PAFAH1B2: variants seen among roughly 807,000 people sequenced by gnomAD.
The protein encoded by PAFAH1B2 is platelet-activating factor acetylhydrolase IB subunit alpha2.
A neutral mutation model predicts 28.0 loss-of-function variants in PAFAH1B2; 8 were observed. The observed-to-expected ratio is 0.29, with a 90% CI of 0.17 to 0.52. The LOEUF (loss-of-function observed/expected upper bound fraction) is 0.52, where lower values mean the gene tolerates loss of function less well. PAFAH1B2 is among the 20% of genes least tolerant of loss of function. The probability of loss-of-function intolerance (pLI) is 0.97; values close to 1 mark genes in which losing one functional copy is unlikely to be tolerated. For synonymous variants in PAFAH1B2, 104 were observed against 103.2 expected (o/e 1.01, Z -0.05); for missense variants, 190 against 282.6 (o/e 0.67, Z 2.35).
In PAFAH1B2 at chr11:117,161,203, C is replaced by G. The variant is rs1237550906; in HGVS notation, c.230C>G (p.Thr77Arg). ...CTGAATTTTGGAATTGGGGGAGATA[C>G]AACAAGACATGTTTTGTGGAGACTA... ...HALNFGIGGD[T>R]TRHVLWRLKN... The change falls in exon 4 of 6, where the codon ACA (threonine) becomes AGA (arginine). Residue 77 changes from threonine to arginine, a missense_variant. Coordinates refer to ENST00000527958, the MANE Select transcript of PAFAH1B2 (RefSeq NM_002572.4). 2 of 1,596,556 alleles carry G rather than the reference C, an allele frequency of 1.3e-6. No individual in the cohort carries two copies. The highest frequency in any genetic ancestry group is 1.9e-5 in the Admixed American group (1 of 53,998).
downstream of PAFAH1B2, among the ~76,000 whole-genome samples, chr11:117,173,433 C>G (rs1428143010): frequency 6.6e-6 from 1 of 152,242 alleles, no homozygotes; most frequent in Non-Finnish European, 1.5e-5. Context: ...ACAAGGCTCC[C>G]AAAAGGCTCA....
At chr11:117,175,930 G>T, downstream of PAFAH1B2, 1 of 1,535,604 alleles carries the variant, frequency 6.5e-7, no homozygotes, top group Admixed American at 2.0e-5. Flanking sequence ...AGATGAGCAG[G>T]ATTACCATGA....
At chr11:117,159,649 G>T in intron 2 of PAFAH1B2, 1 of 312,668 alleles carries the variant, frequency 3.2e-6, no homozygotes, top group Non-Finnish European at 6.0e-6. Context: ...GTGGGAAGAT[G>T]ACTTGAGCCC....
downstream of PAFAH1B2, chr11:117,175,163 C>T (rs937091757): frequency 4.0e-5 from 46 of 1,162,428 alleles, no homozygotes; most frequent in African/African-American, 5.2e-4. Context: ...TTGAGGGCCA[C>T]GGTTAGGGTT....
In PAFAH1B2 at chr11:117,165,219, T is replaced by G. The variant is rs141051755; in HGVS notation, c.411+1327T>G. Reference sequence around the variant, plus strand: ...TGCCTGCCTTGGCCTCCCAAAGTGCTGCGATTACAGACGTGAGCCATCACG... The same window carrying G: ...TGCCTGCCTTGGCCTCCCAAAGTGCGGCGATTACAGACGTGAGCCATCACG... On this transcript the variant is annotated intron_variant, in intron 5 of 5. Transcript: ENST00000527958. Among the ~76,000 whole-genome samples the G allele has an allele frequency of 5.2e-3, 792 of 151,668 alleles. 11 individuals are homozygous for G. Among genetic ancestry groups the G allele is most frequent in the African/African-American group, 0.018 (728 of 41,386 alleles).
At chr11:117,171,195 C>T (rs75525407), downstream of PAFAH1B2, 11,862 of 458,788 alleles carry the variant, frequency 0.026, 242 homozygotes, top group South Asian at 0.088. Context: ...TGACTCATCA[C>T]TTACCTTCTC....
intron 2 of PAFAH1B2, among the ~76,000 whole-genome samples, chr11:117,153,468 A>AC (rs929400109): frequency 6.6e-6 from 1 of 151,664 alleles, no homozygotes; most frequent in Admixed American, 6.6e-5. Context: ...TGCAGCCTCC[A>AC]CCCCCCTGCC....
In PAFAH1B2 at chr11:117,168,680, T is replaced by G. The variant is rs113647409; in HGVS notation, c.*981T>G. 9.6e-3 allele frequency: 10,212 copies of G among 1,058,756 alleles called. 51 individuals are homozygous for G. Among genetic ancestry groups the G allele is most frequent in the Non-Finnish European group, 0.011 (9,370 of 874,684 alleles). The allele number at this position is 1,058,756 out of a possible 1,614,324, so 65.6% of individuals were successfully genotyped here. On this transcript the variant is annotated 3_prime_UTR_variant, in exon 6 of 6. Coordinates refer to ENST00000527958, the MANE Select transcript of PAFAH1B2 (RefSeq NM_002572.4). ...CTTAAAACCTGTTAACAGTTTTTTT[T>G]GGGGGTGGGGGGATTCAGAACTCTT...
rs932158136 is a variant in PAFAH1B2 at position 117,171,009 on chromosome 11, G to A, written c.*3310G>A. The A allele has an allele frequency of 9.6e-7, 1 of 1,040,528 alleles. No homozygotes were observed. Among genetic ancestry groups the A allele is most frequent in the African/African-American group, 1.7e-5 (1 of 59,798 alleles). 64.5% of individuals were successfully genotyped at this position (1,040,528 alleles called of 1,614,324 possible). A position where few individuals can be genotyped will look rare whatever the true frequency, so the allele number is the denominator to read the frequency against. On this transcript the variant is annotated 3_prime_UTR_variant, in exon 6 of 6. Transcript: ENST00000527958. ...GACTAGTAGAACTCATTCTGTTTTA[G>A]TGTATATTTCAATATAAATGTAAAC...
chr11:117,146,915 A>C (rs1002976717), intron 1 of PAFAH1B2, among the ~76,000 whole-genome samples: 1 of 151,658 alleles, frequency 6.6e-6, no homozygotes, highest in Non-Finnish European at 1.5e-5. Context: ...GCAGTGAGCC[A>C]TGATTTCTCC....
chr11:117,148,086 C>G (rs1016063783), intron 1 of PAFAH1B2, among the ~76,000 whole-genome samples: 1 of 142,362 alleles, frequency 7.0e-6, no homozygotes, highest in African/African-American at 2.6e-5. Flanking sequence ...GAGTCTTGCT[C>G]TGTCACCCAG....
intron 2 of PAFAH1B2, 78 bp downstream of exon 2, chr11:117,152,606 C>CCTTGTCTCAA: frequency 4.9e-6 from 5 of 1,014,768 alleles, no homozygotes; most frequent in Non-Finnish European, 4.7e-6. Flanking sequence ...GTTTTTGAGA[C>CCTTGTCTCAA]AAGGTCTCAC....
chr11:117,175,805 G>A, downstream of PAFAH1B2: 3 of 1,215,778 alleles, frequency 2.5e-6, no homozygotes, highest in South Asian at 1.4e-5. Context: ...AGTGGTGCTT[G>A]CCTGTAATCC....
intron 5 of PAFAH1B2, 143 bp from the exon 6 acceptor site, chr11:117,167,278 C>T: frequency 1.2e-6 from 1 of 853,548 alleles, no homozygotes; most frequent in Non-Finnish European, 1.7e-6. Flanking sequence ...AGCTTTCATT[C>T]AAAACAGTAT....
intron 3 of PAFAH1B2, 48 bp downstream of exon 3, chr11:117,160,071 C>G: frequency 8.2e-7 from 1 of 1,214,912 alleles, no homozygotes; most frequent in South Asian, 1.2e-5. Flanking sequence ...CATGTATATC[C>G]ATTCATTACT....
chr11:117,154,356 T>C (rs1956217772), intron 2 of PAFAH1B2, among the ~76,000 whole-genome samples: 1 of 152,180 alleles, frequency 6.6e-6, no homozygotes, highest in South Asian at 2.1e-4. Context: ...TTGTCTTAAG[T>C]TAATAGGCTT....
Position 117,155,467 on chromosome 11 carries a change from G to C in PAFAH1B2, c.81+2939G>C, listed in dbSNP as rs531347548. On this transcript the variant is annotated intron_variant, in intron 2 of 5. Coordinates refer to ENST00000527958, the MANE Select transcript of PAFAH1B2 (RefSeq NM_002572.4). ...AGTATTTCAGTAGACATGATAGGAA[G>C]TGTAACTTTGTTTCCAAAAAGTGTA... Among the ~76,000 whole-genome samples the C allele has an allele frequency of 1.4e-4, 21 of 152,312 alleles. No individual in the cohort carries two copies. The East Asian group carries it at 4.0e-3, about 29-fold the overall frequency.
chr11:117,164,406 C>CA lies in PAFAH1B2; in HGVS notation c.411+525dup, dbSNP rs11418579. On this transcript the variant is annotated intron_variant, in intron 5 of 5. Coordinates refer to ENST00000527958, the MANE Select transcript of PAFAH1B2 (RefSeq NM_002572.4). ...TGGGTGACAGAGCGAGACTCCGTCT[C>CA]AAAAAAAAAAAGTATGGAAGCCGTT... is the stretch of plus-strand genomic sequence containing the variant. Among the ~76,000 whole-genome samples the CA allele has an allele frequency of 9.5e-3, 1,423 of 149,014 alleles. 25 individuals are homozygous for CA. The highest frequency in any genetic ancestry group is 0.029 in the African/African-American group (1,184 of 40,760).
At chr11:117,153,441 G>A (rs1330396338) in intron 2 of PAFAH1B2, among the ~76,000 whole-genome samples, 3 of 152,014 alleles carry the variant, frequency 2.0e-5, no homozygotes, top group East Asian at 1.9e-4. Flanking sequence ...GAGTGCAGTG[G>A]TGCAATCTTG....
Sources: allele counts gnomAD v4.1 joint callset (sites outside exome capture counted in the v4.1 genomes callset), GRCh38; gene constraint gnomAD v4.1.1; transcripts MANE v1.5; gene names NCBI Gene and HGNC (gene_info 2026-07-23, HGNC 2026-07-21).